Variants in TSPAN5 observed in about 807,000 individuals in gnomAD.
The protein encoded by TSPAN5 is tetraspanin 5.
In TSPAN5, 10 loss-of-function variants were observed where a neutral mutation model predicts 37.1. The observed-to-expected ratio is 0.27, with a 90% CI of 0.17 to 0.46. The LOEUF (loss-of-function observed/expected upper bound fraction) is 0.46, where lower values mean the gene tolerates loss of function less well. Ranked by LOEUF, TSPAN5 falls within the 20% of genes least tolerant of loss-of-function variation. TSPAN5 has a pLI of 1.00. For synonymous variants in TSPAN5, 110 were observed against 118.9 expected (o/e 0.93, Z 0.48); for missense variants, 195 against 326.6 (o/e 0.60, Z 3.11).
chr4:98,537,412 T>C (rs569566691), intron 1 of TSPAN5, among the ~76,000 whole-genome samples: 14 of 152,212 alleles, frequency 9.2e-5, no homozygotes, highest in Admixed American at 6.5e-4. Flanking sequence ...CGCTGGGAGC[T>C]ACAGACCGGA....
chr4:98,482,565 T>A (rs903205305), intron 3 of TSPAN5: 18 of 163,256 alleles, frequency 1.1e-4, no homozygotes, highest in Non-Finnish European at 1.9e-4. Context: ...GAAAGATAGA[T>A]TATTCCAATA....
At chr4:98,534,284 A>G (rs1001601204) in intron 1 of TSPAN5, among the ~76,000 whole-genome samples, 1 of 152,188 alleles carries the variant, frequency 6.6e-6, no homozygotes, top group Non-Finnish European at 1.5e-5. Context: ...CCCTGTAGTC[A>G]TTCAGGACCA....
chr4:98,613,423 C>T (rs1244981268), intron 1 of TSPAN5, among the ~76,000 whole-genome samples: 1 of 152,156 alleles, frequency 6.6e-6, no homozygotes, highest in African/African-American at 2.4e-5. Context: ...ATTATGGTTT[C>T]AACAAGCACA....
At chr4:98,623,820 A>G (rs930764934) in intron 1 of TSPAN5, among the ~76,000 whole-genome samples, 22 of 152,168 alleles carry the variant, frequency 1.4e-4, no homozygotes, top group African/African-American at 5.1e-4. Flanking sequence ...TTATTTGAAA[A>G]CAACACATGC....
intron 2 of TSPAN5, among the ~76,000 whole-genome samples, chr4:98,503,012 G>A (rs186996881): frequency 6.6e-6 from 1 of 151,968 alleles, no homozygotes; most frequent in African/African-American, 2.4e-5. Flanking sequence ...AGAGGGAGGA[G>A]GTTGATCAAA....
At position 98,533,616 on chromosome 4, in the gene TSPAN5, T is replaced by C. The variant is rs564726078; in HGVS notation, c.82-25888A>G. Among the ~76,000 whole-genome samples, 15 of 134,628 alleles carry C rather than the reference T, an allele frequency of 1.1e-4. No homozygotes were observed. In the South Asian group the frequency reaches 4.0e-3, roughly 36 times the overall value. 88.3% of individuals were successfully genotyped at this position (134,628 alleles called of 152,430 possible). On this transcript the variant is annotated intron_variant, in intron 1 of 7. Transcript: ENST00000305798. Reference sequence around the variant, plus strand: ...CCCAGGCTGGGGTGCAGTGGCGCGATCTTGGCTCACTGCAAGCTCTGCCTC... The same window carrying C: ...CCCAGGCTGGGGTGCAGTGGCGCGACCTTGGCTCACTGCAAGCTCTGCCTC...
chr4:98,498,464 C>G (rs1157795137), intron 2 of TSPAN5, among the ~76,000 whole-genome samples: 1 of 152,172 alleles, frequency 6.6e-6, no homozygotes, highest in African/African-American at 2.4e-5. Flanking sequence ...TGATCACTAT[C>G]TGAAAACCAA....
In TSPAN5 at chr4:98,639,511, G is replaced by T. The variant is rs574890051; in HGVS notation, c.81+18635C>A. Among the ~76,000 whole-genome samples, 5 of 142,596 alleles carry T rather than the reference G, an allele frequency of 3.5e-5. No individual in the cohort carries two copies. In the South Asian group the frequency reaches 1.1e-3, roughly 31 times the overall value. 93.5% of individuals were successfully genotyped at this position (142,596 alleles called of 152,430 possible). On this transcript the variant is annotated intron_variant, in intron 1 of 7. Transcript: ENST00000305798. ...TTTTTTTTTTTTTTTTGTACAGACA[G>T]GGTCTCATTTTTGTTGCCCAGCCTG...
chr4:98,477,991 C>A (rs181245607), intron 5 of TSPAN5, among the ~76,000 whole-genome samples: 3 of 152,140 alleles, frequency 2.0e-5, no homozygotes, highest in Admixed American at 2.0e-4. Flanking sequence ...TTCTATATAC[C>A]AGGCACGATT....
intron 3 of TSPAN5, chr4:98,484,801 A>T (rs1553908556): frequency 6.8e-6 from 1 of 146,384 alleles, no homozygotes; most frequent in Non-Finnish European, 1.3e-5. Flanking sequence ...ATCTTTACTT[A>T]AAAAAAAAAA....
intron 1 of TSPAN5, among the ~76,000 whole-genome samples, chr4:98,607,593 T>G (rs1376435840): frequency 2.0e-5 from 3 of 152,178 alleles, no homozygotes. Context: ...TTATTTGTAT[T>G]TTATCAGTCC....
At position 98,476,237 on chromosome 4, in the gene TSPAN5, G is replaced by A. The variant is rs768474348; in HGVS notation, c.693C>T (p.Asp231=). Residue 231 remains aspartate (D), a synonymous_variant, in exon 7 of 8, where the codon GAC becomes GAT. Coordinates refer to ENST00000305798, the MANE Select transcript of TSPAN5 (RefSeq NM_005723.4). The part of the protein sequence containing the change: ...CVPQFEKWLQ[D]NLTIVAGIFI... ...AAATACCAGCAACGATGGTTAAATT[G>A]TCCTGCAACCACTTCTCAAACTGGG... 2.5e-6 allele frequency: 4 copies of A among 1,614,072 alleles called. No homozygotes were observed. The African/African-American group carries it at 4.0e-5, about 16-fold the overall frequency.
chr4:98,566,885 C>A (rs1057486345), intron 1 of TSPAN5, among the ~76,000 whole-genome samples: 1 of 152,194 alleles, frequency 6.6e-6, no homozygotes, highest in African/African-American at 2.4e-5. Flanking sequence ...CTGGGGCCAA[C>A]GAACAAGCCT....
At position 98,490,917 on chromosome 4, in the gene TSPAN5, C is replaced by T. The variant is rs552118136; in HGVS notation, c.133-4033G>A. Among the ~76,000 whole-genome samples the T allele has an allele frequency of 1.6e-4, 24 of 152,188 alleles. No homozygotes were observed. The South Asian group carries it at 4.8e-3, about 30-fold the overall frequency. ...CTCTACTAAAAATGCAAAAAATTAG[C>T]CGGGCGTGGCAGCACGCGCCTGTAG... On this transcript the variant is annotated intron_variant, in intron 2 of 7. Transcript: ENST00000305798.
intron 1 of TSPAN5, among the ~76,000 whole-genome samples, chr4:98,606,276 T>A (rs1309449577): frequency 6.6e-6 from 1 of 152,202 alleles, no homozygotes; most frequent in African/African-American, 2.4e-5. Flanking sequence ...CTCATCAAGT[T>A]CAATTGTTGT....
intron 6 of TSPAN5, 26 bp from the exon 7 acceptor site, chr4:98,476,331 T>C (rs757378724): frequency 1.9e-6 from 3 of 1,613,270 alleles, no homozygotes; most frequent in Non-Finnish European, 2.5e-6. Flanking sequence ...GGAGAGCACA[T>C]TGTCACAGAT....
intron 1 of TSPAN5, among the ~76,000 whole-genome samples, chr4:98,541,694 A>AAGAGAG (rs1553912684): frequency 1.3e-4 from 12 of 95,326 alleles, no homozygotes; most frequent in East Asian, 6.1e-4. Context: ...AAAAAAAAAA[A>AAGAGAG]AGAGAGAGAG....
intron 1 of TSPAN5, among the ~76,000 whole-genome samples, chr4:98,554,954 C>T (rs1228475702): frequency 6.6e-6 from 1 of 152,154 alleles, no homozygotes; most frequent in African/African-American, 2.4e-5. Context: ...GTATAAAAAT[C>T]CCACAGAAAG....
intron 1 of TSPAN5, among the ~76,000 whole-genome samples, chr4:98,576,714 G>A (rs1755244564): frequency 6.6e-6 from 1 of 152,098 alleles, no homozygotes; most frequent in African/African-American, 2.4e-5. Context: ...AAAAAGGCCA[G>A]GACTAAGAAT....
Sources: allele counts gnomAD v4.1 joint callset (sites outside exome capture counted in the v4.1 genomes callset), GRCh38; gene constraint gnomAD v4.1.1; transcripts MANE v1.5; gene names NCBI Gene and HGNC (gene_info 2026-07-23, HGNC 2026-07-21).